Variants in IL1RAPL1 observed in about 807,000 individuals in gnomAD.
IL1RAPL1 encodes the protein interleukin 1 receptor accessory protein like 1.
In IL1RAPL1, 3 loss-of-function variants were observed where a neutral mutation model predicts 48.4. That is an observed-to-expected ratio of 0.06 (90% CI 0.03 to 0.16). The LOEUF (loss-of-function observed/expected upper bound fraction) is 0.16, where lower values mean the gene tolerates loss of function less well. Among genes scored for constraint, IL1RAPL1 ranks in the 10% least tolerant of loss-of-function variants. IL1RAPL1 has a pLI of 1.00. For missense variants in IL1RAPL1, 349 were observed against 530.6 expected, an observed-to-expected ratio of 0.66 and a Z score of 3.36; for synonymous variants, 185 against 187.7, an observed-to-expected ratio of 0.99 and a Z score of 0.12.
chrX:29,833,039 G>C (rs1279297209), intron 6 of IL1RAPL1, among the ~76,000 whole-genome samples: 3 of 111,208 alleles, frequency 2.7e-5, no homozygotes, highest in Non-Finnish European at 5.7e-5. Flanking sequence ...CCCCTGCTAA[G>C]GTACAAATAT....
At chrX:29,053,368 A>T (rs1229876048) in intron 2 of IL1RAPL1, among the ~76,000 whole-genome samples, 1 of 111,740 alleles carries the variant, frequency 8.9e-6, no homozygotes, top group Non-Finnish European at 1.9e-5. Context: ...TGATAGAAGG[A>T]TTTATATTCC....
At chrX:29,948,808 TTATGTGATTCA>T (rs1933259134) in intron 9 of IL1RAPL1, among the ~76,000 whole-genome samples, 1 of 106,530 alleles carries the variant, frequency 9.4e-6, no homozygotes, top group African/African-American at 3.4e-5. Flanking sequence ...TCAATTTCAC[TTATGTGATTCA>T]TATATACTTG....
intron 5 of IL1RAPL1, among the ~76,000 whole-genome samples, chrX:29,420,743 T>C (rs1233274383): frequency 8.9e-6 from 1 of 112,773 alleles, no homozygotes; most frequent in Non-Finnish European, 1.9e-5. Context: ...TTTAGAAATA[T>C]ATGCTATTGT....
chrX:29,668,307 G>A (rs1926053084), intron 5 of IL1RAPL1, 123 bp from the exon 6 acceptor site: 2 of 589,214 alleles, frequency 3.4e-6, no homozygotes, highest in Non-Finnish European at 5.7e-6. Context: ...ATCGTTACTT[G>A]GTAGAGCACT....
intron 2 of IL1RAPL1, among the ~76,000 whole-genome samples, chrX:29,112,149 A>G (rs923027878): frequency 4.5e-5 from 5 of 110,221 alleles, no homozygotes; most frequent in Non-Finnish European, 9.5e-5. Context: ...AGGCTGGTCT[A>G]GAACTCCTCA....
intron 8 of IL1RAPL1, among the ~76,000 whole-genome samples, chrX:29,936,297 G>A (rs1933032144): frequency 9.0e-6 from 1 of 111,016 alleles, no homozygotes; most frequent in Non-Finnish European, 1.9e-5. Flanking sequence ...CACAATGAGA[G>A]AAAAAGAAAT....
At chrX:29,083,069 G>A (rs1927878178) in intron 2 of IL1RAPL1, among the ~76,000 whole-genome samples, 1 of 111,948 alleles carries the variant, frequency 8.9e-6, no homozygotes, top group Admixed American at 9.5e-5. Context: ...GTGGATGCTG[G>A]TATATAATTT....
chrX:29,506,216 A>T (rs1295221627), intron 5 of IL1RAPL1, among the ~76,000 whole-genome samples: 1 of 111,920 alleles, frequency 8.9e-6, no homozygotes, highest in African/African-American at 3.2e-5. Flanking sequence ...ACATATCACC[A>T]TCTCATTAAG....
At chrX:29,506,098 T>C (rs1177043470) in intron 5 of IL1RAPL1, among the ~76,000 whole-genome samples, 1 of 112,209 alleles carries the variant, frequency 8.9e-6, no homozygotes, top group Non-Finnish European at 1.9e-5. Flanking sequence ...TTCTCTTTGC[T>C]CAATTTTTCT....
chrX:28,727,060 A>G (rs1204246787), intron 1 of IL1RAPL1, among the ~76,000 whole-genome samples: 1 of 111,950 alleles, frequency 8.9e-6, no homozygotes, highest in African/African-American at 3.3e-5. Flanking sequence ...TAATTTTCCA[A>G]TTCTGTGAAG....
chrX:29,450,619 C>T (rs1294966014), intron 5 of IL1RAPL1, among the ~76,000 whole-genome samples: 1 of 111,583 alleles, frequency 9.0e-6, no homozygotes, highest in African/African-American at 3.3e-5. Context: ...TAGGTGTGTG[C>T]ATCATTTTAA....
In IL1RAPL1 at chrX:29,332,656, T is replaced by A. The variant is rs866056648; in HGVS notation, c.362+49439T>A. Among the ~76,000 whole-genome samples, 339 of 93,591 alleles carry A rather than the reference T, an allele frequency of 3.6e-3. 1 individual carries two copies. The highest frequency in any genetic ancestry group is 0.015 in the African/African-American group (310 of 21,237). 81.3% of individuals were successfully genotyped at this position (93,591 alleles called of 115,157 possible). A position where few individuals can be genotyped will look rare whatever the true frequency, so the allele number is the denominator to read the frequency against. ...TATTTATTTATTTATTTATTTTATTTTTTTTTTTTTATTGATCATTCTTGG... is the reference window on the plus strand; with the variant it reads ...TATTTATTTATTTATTTATTTTATTATTTTTTTTTTATTGATCATTCTTGG... On this transcript the variant is annotated intron_variant, in intron 3 of 10. Coordinates refer to ENST00000378993, the MANE Select transcript of IL1RAPL1 (RefSeq NM_014271.4).
chrX:29,244,622 G>C (rs1267148414), intron 2 of IL1RAPL1, among the ~76,000 whole-genome samples: 2 of 112,276 alleles, frequency 1.8e-5, no homozygotes, highest in Non-Finnish European at 3.8e-5. Context: ...ACTGTTAAAT[G>C]ATGATTATTT....
In IL1RAPL1 at chrX:29,712,387, G is replaced by A. The variant is rs763183770; in HGVS notation, c.778+43883G>A. Among the ~76,000 whole-genome samples the A allele has an allele frequency of 1.8e-3, 203 of 111,482 alleles. 1 individual carries two copies. Among genetic ancestry groups the A allele is most frequent in the African/African-American group, 6.0e-3 (186 of 30,841 alleles). ...TAGGAATGATGCTATACAAGCTGGC[G>A]TGTCAAATAATAAATAATTTTAAAA... On this transcript the variant is annotated intron_variant, in intron 6 of 10. Coordinates refer to ENST00000378993, the MANE Select transcript of IL1RAPL1 (RefSeq NM_014271.4).
intron 2 of IL1RAPL1, among the ~76,000 whole-genome samples, chrX:29,239,440 T>C (rs189160701): frequency 8.9e-6 from 1 of 112,547 alleles, no homozygotes; most frequent in African/African-American, 3.2e-5. Context: ...GTAGTGTGCA[T>C]TAGATTTTTA....
intron 5 of IL1RAPL1, among the ~76,000 whole-genome samples, chrX:29,516,620 A>G (rs2147769921): frequency 9.0e-6 from 1 of 111,242 alleles, no homozygotes; most frequent in African/African-American, 3.3e-5. Context: ...ATTAATTTCC[A>G]TTGCTATATA....
intron 6 of IL1RAPL1, among the ~76,000 whole-genome samples, chrX:29,817,605 A>G (rs1930525885): frequency 8.9e-6 from 1 of 112,000 alleles, no homozygotes; most frequent in Non-Finnish European, 1.9e-5. Context: ...ATAAGCAAAG[A>G]TAACAGCAAA....
rs58405949 is a variant in IL1RAPL1, at chrX:29,688,754, C to CTCTCTCTCTCTCTCTG, written c.778+20251_778+20252insCTCTCTCTCTCTCTGT. 2.2e-3 allele frequency among the ~76,000 whole-genome samples: 225 copies of CTCTCTCTCTCTCTCTG among 103,879 alleles called. 1 individual carries two copies. The highest frequency in any genetic ancestry group is 8.0e-3 in the African/African-American group (214 of 26,674). 90.2% of individuals were successfully genotyped at this position (103,879 alleles called of 115,157 possible). ...TCTCTCTCTCTCTCTCTCTCTCTCTCTGTGTGTGTCTGTGTGTGTGTGTTT... is the reference window on the plus strand; with the variant it reads ...TCTCTCTCTCTCTCTCTCTCTCTCTCTCTCTCTCTCTCTCTGTGTGTGTGTCTGTGTGTGTGTGTTT... On this transcript the variant is annotated intron_variant, in intron 6 of 10. Coordinates refer to ENST00000378993, the MANE Select transcript of IL1RAPL1 (RefSeq NM_014271.4).
At chrX:29,454,265 C>A (rs1443978823) in intron 5 of IL1RAPL1, among the ~76,000 whole-genome samples, 1 of 112,320 alleles carries the variant, frequency 8.9e-6, no homozygotes, top group Non-Finnish European at 1.9e-5. Flanking sequence ...AGCTGAAGAT[C>A]TGGAAATAGA....
Sources: allele counts gnomAD v4.1 joint callset (sites outside exome capture counted in the v4.1 genomes callset), GRCh38; gene constraint gnomAD v4.1.1; transcripts MANE v1.5; gene names NCBI Gene and HGNC (gene_info 2026-07-23, HGNC 2026-07-21).